The following CRADD variants were observed in gnomAD, a reference collection of about 807,000 sequenced individuals.
CRADD encodes death domain-containing protein CRADD.
A neutral mutation model predicts 15.5 loss-of-function variants in CRADD; 9 were observed. The observed-to-expected ratio is 0.58, with a 90% CI of 0.35 to 1.01. The LOEUF (loss-of-function observed/expected upper bound fraction) is 1.01, where lower values mean the gene tolerates loss of function less well. CRADD is among the 50% of genes least tolerant of loss of function. CRADD has a pLI of 0.02. For synonymous variants in CRADD, 118 were observed against 107.6 expected (o/e 1.10, Z -0.60); for missense variants, 227 against 250.3 (o/e 0.91, Z 0.63).
At chr12:93,784,032 GT>G (rs1957243950) in intron 2 of CRADD, among the ~76,000 whole-genome samples, 1 of 152,096 alleles carries the variant, frequency 6.6e-6, no homozygotes, top group Non-Finnish European at 1.5e-5. Context: ...GGTGCACGGG[GT>G]TCACATCCTC....
At chr12:93,871,452 GTTA>G (rs1432864662) in intron 2 of CRADD, among the ~76,000 whole-genome samples, 3 of 152,054 alleles carry the variant, frequency 2.0e-5, no homozygotes, top group African/African-American at 7.2e-5. Context: ...ATACAATTAA[GTTA>G]TTATTGACTA....
chr12:93,715,603 A>G (rs1380789527), intron 2 of CRADD, among the ~76,000 whole-genome samples: 2 of 152,178 alleles, frequency 1.3e-5, no homozygotes, highest in African/African-American at 2.4e-5. Flanking sequence ...GCAAGATTCC[A>G]TATCTACAAA....
chr12:93,678,278 A>T (rs936920842), intron 1 of CRADD, among the ~76,000 whole-genome samples: 2 of 152,180 alleles, frequency 1.3e-5, no homozygotes, highest in Non-Finnish European at 2.9e-5. Context: ...CCTATTACTG[A>T]TCAGGTTTTG....
At chr12:93,759,731 ACC>A (rs1956928747) in intron 2 of CRADD, among the ~76,000 whole-genome samples, 1 of 152,116 alleles carries the variant, frequency 6.6e-6, no homozygotes, top group Non-Finnish European at 1.5e-5. Flanking sequence ...GTTTACAGGC[ACC>A]CTATCTCAGT....
At chr12:93,694,551 T>A (rs1423807836) in intron 2 of CRADD, among the ~76,000 whole-genome samples, 2 of 152,152 alleles carry the variant, frequency 1.3e-5, no homozygotes, top group Admixed American at 6.5e-5. Context: ...GCAGGTGACA[T>A]GATCTTAAAT....
intron 2 of CRADD, among the ~76,000 whole-genome samples, chr12:93,785,302 AT>A (rs1565913109): frequency 6.6e-6 from 1 of 152,218 alleles, no homozygotes; most frequent in East Asian, 1.9e-4. Flanking sequence ...TATTTACATA[AT>A]TGAAAATGAT....
At chr12:93,759,462 A>T (rs1956925901) in intron 2 of CRADD, among the ~76,000 whole-genome samples, 1 of 152,128 alleles carries the variant, frequency 6.6e-6, no homozygotes, top group Non-Finnish European at 1.5e-5. Flanking sequence ...TGCATAAAAA[A>T]CTAATTCCTT....
At chr12:93,894,658 C>T in exon 3 of CRADD, 1 of 152,666 alleles carries the variant, frequency 6.6e-6, no homozygotes, top group Non-Finnish European at 1.5e-5. Context: ...TAGCAGTAGG[C>T]CTGCTGGCAG....
At chr12:93,718,042 GTTC>G (rs915268495) in intron 2 of CRADD, among the ~76,000 whole-genome samples, 92 of 152,220 alleles carry the variant, frequency 6.0e-4, no homozygotes, top group African/African-American at 2.0e-3. Context: ...CTATTTGTCT[GTTC>G]TTCTACCGAT....
intron 2 of CRADD, among the ~76,000 whole-genome samples, chr12:93,800,443 G>A (rs1957464868): frequency 6.6e-6 from 1 of 152,146 alleles, no homozygotes; most frequent in South Asian, 2.1e-4. Context: ...ATCTCATCTC[G>A]AATTGTAATC....
rs113528023 is a variant in CRADD, at chr12:93,736,558, G to T, written c.298+57486G>T. ...ATGACAATTCAAGTAGTTATAATGG[G>T]TGGATATAGGGTATGATAAATGTTG... On this transcript the variant is annotated intron_variant, in intron 2 of 2. Coordinates refer to ENST00000332896, the MANE Select transcript of CRADD (RefSeq NM_003805.5). Among the ~76,000 whole-genome samples the T allele has an allele frequency of 5.3e-3, 812 of 152,262 alleles. 9 individuals are homozygous for T. Among genetic ancestry groups the T allele is most frequent in the African/African-American group, 0.019 (775 of 41,548 alleles).
intron 2 of CRADD, among the ~76,000 whole-genome samples, chr12:93,783,292 A>C (rs1027893934): frequency 5.3e-5 from 8 of 149,820 alleles, no homozygotes; most frequent in African/African-American, 1.9e-4. Context: ...TGAGGAAATC[A>C]AAGCAGAGAA....
intron 2 of CRADD, among the ~76,000 whole-genome samples, chr12:93,692,250 A>G (rs1197720346): frequency 6.6e-6 from 1 of 152,222 alleles, no homozygotes; most frequent in African/African-American, 2.4e-5. Context: ...AAAAGAACAA[A>G]CATTTGAATA....
chr12:93,785,473 T>G (rs1957267726), intron 2 of CRADD, among the ~76,000 whole-genome samples: 1 of 152,206 alleles, frequency 6.6e-6, no homozygotes, highest in African/African-American at 2.4e-5. Context: ...AAGTCAAAGA[T>G]GCTCCACTGG....
intron 2 of CRADD, among the ~76,000 whole-genome samples, chr12:93,749,966 A>G (rs1956811504): frequency 6.6e-6 from 1 of 152,218 alleles, no homozygotes; most frequent in African/African-American, 2.4e-5. Context: ...CATGTTTGTT[A>G]CATGAATGAA....
intron 2 of CRADD, among the ~76,000 whole-genome samples, chr12:93,842,884 A>G (rs1431542550): frequency 6.6e-6 from 1 of 152,008 alleles, no homozygotes; most frequent in Non-Finnish European, 1.5e-5. Context: ...ATTGCAGTAA[A>G]TGGGGTTGTC....
intron 2 of CRADD, among the ~76,000 whole-genome samples, chr12:93,749,055 A>G (rs575007527): frequency 6.6e-6 from 1 of 152,332 alleles, no homozygotes; most frequent in Admixed American, 6.5e-5. Context: ...GCCAGGCACT[A>G]TTCTGGGGAC....
chr12:93,808,064 G>C (rs1043011196), intron 2 of CRADD, among the ~76,000 whole-genome samples: 1 of 151,720 alleles, frequency 6.6e-6, no homozygotes, highest in Non-Finnish European at 1.5e-5. Context: ...ATTAGGGTGG[G>C]TGGGGAGGCC....
Position 93,824,977 on chromosome 12 carries a change from G to A in CRADD, c.299-24993G>A, listed in dbSNP as rs763281277. On this transcript the variant is annotated intron_variant, in intron 2 of 2. Coordinates refer to ENST00000332896, the MANE Select transcript of CRADD (RefSeq NM_003805.5). The surrounding 1 kb of genome is among the most constrained non-coding windows in gnomAD (Gnocchi z 4.3). ...ATATATTCATTAATACATGGGGCTTGTTCCAAATCGATCATGAAAATAAGT... is the reference window on the plus strand; with the variant it reads ...ATATATTCATTAATACATGGGGCTTATTCCAAATCGATCATGAAAATAAGT... Among the ~76,000 whole-genome samples, 17 of 152,300 alleles carry A rather than the reference G, an allele frequency of 1.1e-4. No individual in the cohort carries two copies. The highest frequency in any genetic ancestry group is 2.2e-4 in the Non-Finnish European group (15 of 68,024).
Sources: gnomAD v4.1 joint callset for allele counts (sites outside exome capture counted in the v4.1 genomes callset) on GRCh38, gnomAD v4.1.1 for gene constraint, Gnocchi (gnomAD v3.1) non-coding constraint, MANE v1.5 for transcripts, NCBI Gene and HGNC (gene_info 2026-07-23, HGNC 2026-07-21) for gene names.